Variants in TRPM2 observed in about 807,000 individuals in gnomAD.
TRPM2 encodes the protein estrogen-responsive element-associated gene 1 protein.
In TRPM2, 161 loss-of-function variants were observed where a neutral mutation model predicts 174.0. The ratio of observed to expected loss-of-function variants is 0.93; its 90% confidence interval spans 0.81 to 1.05. TRPM2 has a LOEUF of 1.05. Among genes scored for constraint, TRPM2 ranks in the 50% least tolerant of loss-of-function variants. TRPM2 has a pLI of 0.00. For missense variants in TRPM2, 2,057 were observed against 2,038.0 expected, an observed-to-expected ratio of 1.01 and a Z score of -0.18; for synonymous variants, 954 against 861.3, an observed-to-expected ratio of 1.11 and a Z score of -1.88.
rs777601205 is a variant in TRPM2 at position 44,401,894 on chromosome 21, G to T, written c.2535G>T (p.Arg845=). Residue 845 remains arginine (R), a synonymous_variant, in exon 16 of 32, where the codon CGG becomes CGT. Transcript: ENST00000397928. ...WLFSLVCEEM[R]QLFYDPDECG... is the part of the protein sequence containing the mutation. The stretch of plus-strand genomic sequence containing the variant: ...TCTCCTTGGTGTGCGAGGAGATGCG[G>T]CAGGTACAGCCCCACCCGCTTTTCC... 8 of 1,613,514 alleles carry T rather than the reference G, an allele frequency of 5.0e-6. No homozygotes were observed. The African/African-American group carries it at 1.1e-4, about 22-fold the overall frequency.
intron 20 of TRPM2, 107 bp downstream of exon 20, chr21:44,414,181 C>A: frequency 2.1e-6 from 3 of 1,402,520 alleles, no homozygotes; most frequent in Non-Finnish European, 2.0e-6. Flanking sequence ...GGATGATGGG[C>A]TGGTGCACAG....
chr21:44,418,436 G>A lies in TRPM2; in HGVS notation c.3342G>A (p.Glu1114=), dbSNP rs905757755. The change falls in exon 22 of 32, where the codon GAG becomes GAA. Residue 1114 remains glutamate (E), a synonymous_variant. Coordinates refer to ENST00000397928, the MANE Select transcript of TRPM2 (RefSeq NM_003307.4). Reference sequence around the variant, plus strand: ...CCACCCTGACAGAGAACAAGCTGGAGAAGAACGAGGAGGCGGCCCTGCTAT... The same window carrying A: ...CCACCCTGACAGAGAACAAGCTGGAAAAGAACGAGGAGGCGGCCCTGCTAT... ...KRHKQLKNKL[E]KNEEAALLSW... is the part of the protein sequence containing the mutation. The A allele has an allele frequency of 5.0e-6, 8 of 1,613,974 alleles. No individual in the cohort carries two copies. In the Admixed American group the frequency reaches 6.7e-5, roughly 13 times the overall value.
chr21:44,398,841 A>T (rs2049515839), intron 13 of TRPM2, among the ~76,000 whole-genome samples: 2 of 152,210 alleles, frequency 1.3e-5, no homozygotes, highest in African/African-American at 4.8e-5. Flanking sequence ...CTCCTAAACC[A>T]TAATTTCTAA....
intron 27 of TRPM2, among the ~76,000 whole-genome samples, chr21:44,431,300 CTT>C (rs75104915): frequency 8.3e-5 from 12 of 144,854 alleles, no homozygotes; most frequent in African/African-American, 3.0e-4. Flanking sequence ...TTGTTTTGCT[CTT>C]TTTTTTTTTT....
chr21:44,434,430 C>T (rs9653777), intron 27 of TRPM2, among the ~76,000 whole-genome samples: 12 of 151,718 alleles, frequency 7.9e-5, no homozygotes, highest in Non-Finnish European at 1.5e-4. Context: ...GGGATGCTGT[C>T]GGGGACTATG....
At chr21:44,434,430 C>G (rs9653777) in intron 27 of TRPM2, among the ~76,000 whole-genome samples, 8 of 151,718 alleles carry the variant, frequency 5.3e-5, no homozygotes, top group Non-Finnish European at 1.2e-4. Flanking sequence ...GGGATGCTGT[C>G]GGGGACTATG....
At chr21:44,407,411 C>A (rs867719478) in intron 19 of TRPM2, among the ~76,000 whole-genome samples, 1 of 147,650 alleles carries the variant, frequency 6.8e-6, no homozygotes, top group East Asian at 2.0e-4. Flanking sequence ...CAGGCGTGAG[C>A]CACCATGCCT....
rs775121487 is a variant in TRPM2, at chr21:44,399,372, G to A, written c.2139G>A (p.Gly713=). 2.5e-5 allele frequency: 41 copies of A among 1,612,642 alleles called. 2 individuals carry two copies. In the South Asian group the frequency reaches 4.5e-4, roughly 18 times the overall value. ...TCACCCGCGTGTCCGAGGCCTGGGGGAAGACCACCTGCCTGCAGCTCGCCC... is the reference window on the plus strand; with the variant it reads ...TCACCCGCGTGTCCGAGGCCTGGGGAAAGACCACCTGCCTGCAGCTCGCCC... ...KLLTRVSEAW[G]KTTCLQLALE... Residue 713 remains glycine, a synonymous_variant, in exon 14 of 32, where the codon GGG becomes GGA. Transcript: ENST00000397928. The surrounding 1 kb of genome is among the most constrained non-coding windows in gnomAD (Gnocchi z 4.6).
chr21:44,426,398 G>T (rs992821015), intron 25 of TRPM2, among the ~76,000 whole-genome samples: 4 of 152,036 alleles, frequency 2.6e-5, no homozygotes, highest in African/African-American at 9.7e-5. Context: ...CCCCACTCTG[G>T]GAAGACCCCC....
At chr21:44,430,882 A>G (rs2050994757) in intron 27 of TRPM2, among the ~76,000 whole-genome samples, 1 of 133,004 alleles carries the variant, frequency 7.5e-6, no homozygotes. Context: ...GATGTCCATA[A>G]TATTCTTTTA....
Position 44,401,861 on chromosome 21 carries a change from C to T in TRPM2, c.2502C>T (p.Leu834=). Residue 834 remains leucine (L), a synonymous_variant, in exon 16 of 32, where the codon CTC becomes CTT. Transcript: ENST00000397928. The part of the protein sequence containing the change: ...VPSWCECAIY[L]WLFSLVCEEM... The stretch of plus-strand genomic sequence containing the variant: ...CCTGGTGCGAGTGTGCCATCTACCT[C>T]TGGCTCTTCTCCTTGGTGTGCGAGG... 6.2e-7 allele frequency: 1 copy of T among 1,613,918 alleles called. No homozygotes were observed. Among genetic ancestry groups the T allele is most frequent in the Non-Finnish European group, 8.5e-7 (1 of 1,180,008 alleles).
chr21:44,427,924 G>A (rs1049098645), intron 27 of TRPM2, among the ~76,000 whole-genome samples: 15 of 152,106 alleles, frequency 9.9e-5, no homozygotes, highest in South Asian at 2.1e-4. Flanking sequence ...GGGCAAGGGC[G>A]GGTGTTTAGG....
chr21:44,416,619 C>T lies in TRPM2; in HGVS notation c.3147-1308C>T, dbSNP rs45629037. On this transcript the variant is annotated intron_variant, in intron 20 of 31. Coordinates refer to ENST00000397928, the MANE Select transcript of TRPM2 (RefSeq NM_003307.4). ...TATTAGCCAGTGAGGCTTATAATATCGAAAGTCTGTGTGCTTCTCCTTTTT... is the reference window on the plus strand; with the variant it reads ...TATTAGCCAGTGAGGCTTATAATATTGAAAGTCTGTGTGCTTCTCCTTTTT... The T allele has an allele frequency of 4.4e-3, 834 of 187,758 alleles. 8 individuals carry two copies. The highest frequency in any genetic ancestry group is 0.019 in the African/African-American group (793 of 41,782). The allele number at this position is 187,758 out of a possible 1,614,324, so 11.6% of individuals were successfully genotyped here.
chr21:44,352,389 A>C (rs1262512992), upstream of TRPM2, among the ~76,000 whole-genome samples: 1 of 152,234 alleles, frequency 6.6e-6, no homozygotes, highest in African/African-American at 2.4e-5. Context: ...AGCAGCCCGT[A>C]GCTCAGCCCC....
At chr21:44,406,871 C>T in intron 19 of TRPM2, 106 bp downstream of exon 19, 1 of 1,387,438 alleles carries the variant, frequency 7.2e-7, no homozygotes, top group Non-Finnish European at 9.7e-7. Flanking sequence ...ATCAGGGGGT[C>T]CTGCGGTTCC....
At chr21:44,363,542 T>G in intron 2 of TRPM2, among the ~76,000 whole-genome samples, 1 of 152,242 alleles carries the variant, frequency 6.6e-6, no homozygotes, top group East Asian at 1.9e-4. Context: ...CTTCTCTTTT[T>G]TTACTGGAAA....
At position 44,369,318 on chromosome 21, in the gene TRPM2, G is replaced by T; in HGVS notation, c.746G>T (p.Arg249Leu). ...GTCGCCACCTGGGGCACTGTCCACCGCCGCGAGGGCCTGATCCATCCCACG... is the reference window on the plus strand; with the variant it reads ...GTCGCCACCTGGGGCACTGTCCACCTCCGCGAGGGCCTGATCCATCCCACG... ...IGVATWGTVH[R>L]REGLIHPTGS... Residue 249 changes from arginine to leucine, a missense_variant, in exon 5 of 32, where the codon CGC becomes CTC. Physicochemically the swap from Arg to Leu is moderately radical, Grantham distance 102. Transcript: ENST00000397928. 6.2e-7 allele frequency: 1 copy of T among 1,612,950 alleles called. No homozygotes were observed. Among genetic ancestry groups the T allele is most frequent in the African/African-American group, 1.3e-5 (1 of 75,050 alleles).
chr21:44,391,407 C>G lies in TRPM2; in HGVS notation c.1576C>G (p.Leu526Val), dbSNP rs746682156. ...CACCTTGCTCTACCTGTACGAGAAC[C>G]TGGACCCCTCCTGCCTGTTCCACAG... ...WDTLLYLYEN[L>V]DPSCLFHSKL... The change falls in exon 11 of 32, where the codon CTG becomes GTG. Residue 526 changes from leucine to valine, a missense_variant. Physicochemically the swap from Leu to Val is conservative, Grantham distance 32. Coordinates refer to ENST00000397928, the MANE Select transcript of TRPM2 (RefSeq NM_003307.4). The surrounding 1 kb of genome is among the most constrained non-coding windows in gnomAD (Gnocchi z 5.0). 3 of 1,614,124 alleles carry G rather than the reference C, an allele frequency of 1.9e-6. No individual in the cohort carries two copies. The highest frequency in any genetic ancestry group is 1.6e-4 in the Middle Eastern group (1 of 6,062).
intron 9 of TRPM2, among the ~76,000 whole-genome samples, chr21:44,385,284 A>G (rs1220691002): frequency 6.6e-6 from 1 of 152,244 alleles, no homozygotes; most frequent in Admixed American, 6.5e-5. Flanking sequence ...AATAAAAGCC[A>G]TATATGAAAA....
Sources: allele counts gnomAD v4.1 joint callset (sites outside exome capture counted in the v4.1 genomes callset), GRCh38; gene constraint gnomAD v4.1.1; non-coding constraint Gnocchi (gnomAD v3.1); transcripts MANE v1.5; gene names NCBI Gene and HGNC (gene_info 2026-07-23, HGNC 2026-07-21).